Variants in ZBTB16 observed in about 807,000 individuals in gnomAD.
ZBTB16 encodes the protein zinc finger and BTB domain-containing protein 16.
Under a neutral mutation model 56.8 loss-of-function variants are expected in ZBTB16, and 8 were observed. That is an observed-to-expected ratio of 0.14 (90% CI 0.08 to 0.25). The LOEUF (loss-of-function observed/expected upper bound fraction) is 0.25, where lower values mean the gene tolerates loss of function less well. Among genes scored for constraint, ZBTB16 ranks in the 10% least tolerant of loss-of-function variants. The pLI is 1.00. For missense variants in ZBTB16, 625 were observed against 903.0 expected (o/e 0.69, Z 3.95); for synonymous variants, 363 against 368.5 (o/e 0.98, Z 0.17).
intron 4 of ZBTB16, among the ~76,000 whole-genome samples, chr11:114,201,634 G>A (rs1243540181): frequency 6.6e-6 from 1 of 152,170 alleles, no homozygotes; most frequent in East Asian, 1.9e-4. Flanking sequence ...TGTCAATGAT[G>A]GTATGGAAAG....
chr11:114,225,677 C>CT (rs2135160085), intron 4 of ZBTB16, among the ~76,000 whole-genome samples: 1 of 152,322 alleles, frequency 6.6e-6, no homozygotes, highest in Non-Finnish European at 1.5e-5. Context: ...CCCAACACTG[C>CT]TGCATTAAGA....
At chr11:114,101,716 C>T (rs752161430) in intron 2 of ZBTB16, among the ~76,000 whole-genome samples, 3 of 152,220 alleles carry the variant, frequency 2.0e-5, no homozygotes, top group African/African-American at 4.8e-5. Context: ...AAAAAATACA[C>T]ATAGATCTCC....
chr11:114,098,586 C>T (rs1352730306), intron 2 of ZBTB16, among the ~76,000 whole-genome samples: 1 of 149,526 alleles, frequency 6.7e-6, no homozygotes, highest in Non-Finnish European at 1.5e-5. Flanking sequence ...ACGAGTCTTG[C>T]AAAAACCAGC....
chr11:114,154,458 A>G (rs1942353809), intron 2 of ZBTB16, among the ~76,000 whole-genome samples: 1 of 152,194 alleles, frequency 6.6e-6, no homozygotes, highest in African/African-American at 2.4e-5. Context: ...TAGAACAGCA[A>G]GTATCTATCA....
chr11:114,136,729 C>T (rs112854137), intron 2 of ZBTB16, among the ~76,000 whole-genome samples: 5 of 152,156 alleles, frequency 3.3e-5, no homozygotes, highest in African/African-American at 9.6e-5. Context: ...GGAGGTTTTA[C>T]TCTTCGTCAC....
chr11:114,185,020 A>C (rs1467391386), intron 3 of ZBTB16, among the ~76,000 whole-genome samples: 2 of 152,026 alleles, frequency 1.3e-5, no homozygotes, highest in Admixed American at 1.3e-4. Flanking sequence ...TAAAATAAAT[A>C]AATAAATAAA....
intron 3 of ZBTB16, among the ~76,000 whole-genome samples, chr11:114,159,140 G>A (rs1392510538): frequency 6.6e-6 from 1 of 152,244 alleles, no homozygotes; most frequent in Non-Finnish European, 1.5e-5. Flanking sequence ...GGTGTCCCCA[G>A]TTCAGACAAG....
chr11:114,154,696 T>TG (rs897575806), intron 2 of ZBTB16, among the ~76,000 whole-genome samples: 7 of 152,056 alleles, frequency 4.6e-5, no homozygotes, highest in African/African-American at 1.2e-4. Context: ...CAAGAGAACA[T>TG]GGGGGGGTGG....
At chr11:114,141,284 G>A (rs748503057) in intron 2 of ZBTB16, among the ~76,000 whole-genome samples, 5 of 152,140 alleles carry the variant, frequency 3.3e-5, no homozygotes, top group Admixed American at 6.5e-5. Flanking sequence ...CAGAGCCCCC[G>A]AAAGGACCAA....
At position 114,064,455 on chromosome 11, in the gene ZBTB16, C is replaced by A; in HGVS notation, c.1155C>A (p.Phe385Leu). Residue 385 changes from phenylalanine (F) to leucine (L), a missense_variant, in exon 2 of 7, where the codon TTC (phenylalanine) becomes TTA (leucine). Coordinates refer to ENST00000335953, the MANE Select transcript of ZBTB16 (RefSeq NM_006006.6). The surrounding 1 kb of genome is among the most constrained non-coding windows in gnomAD (Gnocchi z 4.2). ...AGGGCTTCATCCAGAGGGAGCTGTT[C>A]AGCAAGCTGGGGGAGCTGGCTGTGG... ...LPQGFIQREL[F>L]SKLGELAVGM... 2.5e-6 allele frequency: 4 copies of A among 1,614,154 alleles called. No homozygotes were observed. Among genetic ancestry groups the A allele is most frequent in the Non-Finnish European group, 3.4e-6 (4 of 1,180,032 alleles).
chr11:114,198,417 C>T (rs1051612867), intron 4 of ZBTB16, among the ~76,000 whole-genome samples: 10 of 151,918 alleles, frequency 6.6e-5, no homozygotes, highest in East Asian at 5.8e-4. Context: ...CAGGGGCTCT[C>T]GGCTGTGCTG....
intron 2 of ZBTB16, among the ~76,000 whole-genome samples, chr11:114,115,506 G>C (rs2137790443): frequency 6.6e-6 from 1 of 152,108 alleles, no homozygotes; most frequent in South Asian, 2.1e-4. Flanking sequence ...GAGAGAGATG[G>C]GTCCCACCAC....
rs113577422 is a variant in ZBTB16 at position 114,061,154 on chromosome 11, G to T, written c.-91+1272G>T. On this transcript the variant is annotated intron_variant, in intron 1 of 6. Transcript: ENST00000335953. Reference sequence around the variant, plus strand: ...GGTGGGGGTCGCTGGGAACTGGGGGGGTGTGAGAGCGCGGTCGATCCCCGG... The same window carrying T: ...GGTGGGGGTCGCTGGGAACTGGGGGTGTGTGAGAGCGCGGTCGATCCCCGG... Among the ~76,000 whole-genome samples the T allele has an allele frequency of 9.5e-3, 1,450 of 151,928 alleles. 23 individuals carry two copies. The highest frequency in any genetic ancestry group is 0.03 in the African/African-American group (1,242 of 41,442).
rs541293956 is a variant in ZBTB16 at position 114,154,892 on chromosome 11, C to T, written c.1269-1445C>T. ...GGCCGTACACAGTGGATACCATATG[C>T]TGGTCCTCATGCTGTGGGAGCCCAT... is the stretch of plus-strand genomic sequence containing the variant. On this transcript the variant is annotated intron_variant, in intron 2 of 6. Coordinates refer to ENST00000335953, the MANE Select transcript of ZBTB16 (RefSeq NM_006006.6). Among the ~76,000 whole-genome samples the T allele has an allele frequency of 2.9e-3, 449 of 152,338 alleles. 2 individuals carry two copies. The highest frequency in any genetic ancestry group is 6.8e-3 in the Middle Eastern group (2 of 294).
At position 114,177,321 on chromosome 11, in the gene ZBTB16, G is replaced by A. The variant is rs138147825; in HGVS notation, c.1367-9631G>A. ...GCTGGAGTGCAGTGGTGCGATCTCGGCTCACCACAACCTCTGCCTCCGGGG... is the reference window on the plus strand; with the variant it reads ...GCTGGAGTGCAGTGGTGCGATCTCGACTCACCACAACCTCTGCCTCCGGGG... On this transcript the variant is annotated intron_variant, in intron 3 of 6. Coordinates refer to ENST00000335953, the MANE Select transcript of ZBTB16 (RefSeq NM_006006.6). Among the ~76,000 whole-genome samples the A allele has an allele frequency of 4.8e-3, 727 of 152,294 alleles. 8 individuals carry two copies. The highest frequency in any genetic ancestry group is 0.015 in the African/African-American group (642 of 41,564).
intron 4 of ZBTB16, among the ~76,000 whole-genome samples, chr11:114,240,028 C>G (rs1855956442): frequency 6.6e-6 from 1 of 152,214 alleles, no homozygotes; most frequent in Non-Finnish European, 1.5e-5. Context: ...GATAAGGTAC[C>G]TAGCATAACG....
chr11:114,226,184 AAGTG>A (rs1259998557), intron 4 of ZBTB16, among the ~76,000 whole-genome samples: 16 of 152,172 alleles, frequency 1.1e-4, no homozygotes, highest in Non-Finnish European at 2.4e-4. Context: ...GTGAGTCAGT[AAGTG>A]AGTAACTGAG....
intron 4 of ZBTB16, among the ~76,000 whole-genome samples, chr11:114,235,790 C>CCT (rs1944576362): frequency 7.3e-6 from 1 of 137,394 alleles, no homozygotes; most frequent in African/African-American, 3.2e-5. Flanking sequence ...CCTTCCTTCT[C>CCT]CTTTTTTTTT....
intron 2 of ZBTB16, among the ~76,000 whole-genome samples, chr11:114,139,433 A>T (rs1365881210): frequency 2.0e-5 from 3 of 152,124 alleles, no homozygotes; most frequent in African/African-American, 7.2e-5. Flanking sequence ...TTATTTGGAA[A>T]CTGGAAGCCT....
Sources: allele counts gnomAD v4.1 joint callset (sites outside exome capture counted in the v4.1 genomes callset), GRCh38; gene constraint gnomAD v4.1.1; non-coding constraint Gnocchi (gnomAD v3.1); transcripts MANE v1.5; gene names NCBI Gene and HGNC (gene_info 2026-07-23, HGNC 2026-07-21).